The following PILRA variants were observed in gnomAD, a reference collection of about 807,000 sequenced individuals.
The protein encoded by PILRA is paired immunoglobin like type 2 receptor alpha.
A neutral mutation model predicts 33.1 loss-of-function variants in PILRA; 37 were observed. The observed-to-expected ratio is 1.12, with a 90% CI of 0.86 to 1.47. The LOEUF is 1.47. PILRA is among the 40% of genes most tolerant of loss of function. PILRA has a pLI of 0.00. For synonymous variants in PILRA, 146 were observed against 149.9 expected, an observed-to-expected ratio of 0.97 and a Z score of 0.19; for missense variants, 312 against 376.2, an observed-to-expected ratio of 0.83 and a Z score of 1.41.
chr7:100,388,515 C>T (rs1182022328), intron 2 of PILRA, among the ~76,000 whole-genome samples: 3 of 151,710 alleles, frequency 2.0e-5, no homozygotes, highest in African/African-American at 7.3e-5. Context: ...GGCAGATCAC[C>T]TGAAGTCAGG....
At chr7:100,379,987 T>C (rs1692826166) in intron 2 of PILRA, among the ~76,000 whole-genome samples, 1 of 152,128 alleles carries the variant, frequency 6.6e-6, no homozygotes, top group Non-Finnish European at 1.5e-5. Flanking sequence ...CGAGTACCCC[T>C]GAAAGTAGGA....
At chr7:100,382,272 T>C (rs1398210473) in intron 2 of PILRA, among the ~76,000 whole-genome samples, 1 of 152,218 alleles carries the variant, frequency 6.6e-6, no homozygotes, top group African/African-American at 2.4e-5. Flanking sequence ...ACTCTGTATC[T>C]ACGTCAAGGT....
At chr7:100,382,554 G>A (rs1209031220) in intron 2 of PILRA, among the ~76,000 whole-genome samples, 7 of 152,116 alleles carry the variant, frequency 4.6e-5, no homozygotes, top group East Asian at 1.9e-4. Flanking sequence ...CTGTCAAAAC[G>A]GACCAATCAG....
At chr7:100,372,452 G>A (rs568583151), upstream of PILRA, among the ~76,000 whole-genome samples, 4 of 152,182 alleles carry the variant, frequency 2.6e-5, no homozygotes, top group Non-Finnish European at 4.4e-5. Context: ...CTTCCCCCAC[G>A]GCCCCTCAAC....
intron 2 of PILRA, among the ~76,000 whole-genome samples, chr7:100,381,941 C>T (rs112386097): frequency 6.6e-6 from 1 of 151,808 alleles, no homozygotes; most frequent in East Asian, 1.9e-4. Context: ...CTCGCCAGGC[C>T]TTAGCTGCCT....
chr7:100,397,938 G>A (rs1247923822), intron 4 of PILRA, 26 bp downstream of exon 4: 1 of 1,612,490 alleles, frequency 6.2e-7, no homozygotes, highest in African/African-American at 1.3e-5. Context: ...CCCCAGGGTG[G>A]GTTGGGGGGT....
At chr7:100,397,126 T>TAA (rs34593183) in intron 3 of PILRA, among the ~76,000 whole-genome samples, 77 of 125,802 alleles carry the variant, frequency 6.1e-4, no homozygotes, top group African/African-American at 1.3e-3. Flanking sequence ...GTCTAAACAT[T>TAA]AAAAAAAAAA....
chr7:100,372,118 C>T (rs1790829316), upstream of PILRA, among the ~76,000 whole-genome samples: 1 of 152,184 alleles, frequency 6.6e-6, no homozygotes, highest in African/African-American at 2.4e-5. Flanking sequence ...CTCTGCAGCC[C>T]ATCTTTCCAG....
At chr7:100,381,068 C>T (rs1030710575) in intron 2 of PILRA, among the ~76,000 whole-genome samples, 1 of 151,960 alleles carries the variant, frequency 6.6e-6, no homozygotes, top group Non-Finnish European at 1.5e-5. Context: ...AGATTGAGAC[C>T]ATCCTGGCTA....
At chr7:100,376,934 G>A (rs1418729652) in intron 2 of PILRA, among the ~76,000 whole-genome samples, 1 of 150,980 alleles carries the variant, frequency 6.6e-6, no homozygotes, top group East Asian at 1.9e-4. Flanking sequence ...GCTAATATTT[G>A]TATTTTTTTT....
chr7:100,373,859 AC>A, intron 1 of PILRA, 139 bp downstream of exon 1: 1 of 1,287,356 alleles, frequency 7.8e-7, no homozygotes, highest in Non-Finnish European at 1.1e-6. Context: ...GGGGCGGGTG[AC>A]CCCATCCTCT....
At chr7:100,395,882 T>G (rs1466483378) in intron 3 of PILRA, among the ~76,000 whole-genome samples, 1 of 152,122 alleles carries the variant, frequency 6.6e-6, no homozygotes, top group Non-Finnish European at 1.5e-5. Flanking sequence ...TTCCAGCACT[T>G]TGGGAGGCTG....
At chr7:100,379,633 A>C (rs1429293775) in intron 2 of PILRA, among the ~76,000 whole-genome samples, 1 of 144,978 alleles carries the variant, frequency 6.9e-6, no homozygotes, top group Non-Finnish European at 1.5e-5. Flanking sequence ...GCACCACTGC[A>C]CTCCAGCCTG....
chr7:100,377,227 A>ATTTTTT, intron 2 of PILRA, among the ~76,000 whole-genome samples: 1 of 80,784 alleles, frequency 1.2e-5, no homozygotes, highest in Non-Finnish European at 2.6e-5. Flanking sequence ...TCACTTTTCT[A>ATTTTTT]TTTCTTTTTT....
intron 3 of PILRA, among the ~76,000 whole-genome samples, chr7:100,392,900 A>G (rs1791416993): frequency 6.6e-6 from 1 of 152,344 alleles, no homozygotes; most frequent in South Asian, 2.1e-4. Context: ...AAATAACCCT[A>G]GTACCAGAAG....
intron 6 of PILRA, 67 bp from the exon 7 acceptor site, chr7:100,399,718 C>A: frequency 2.5e-6 from 4 of 1,611,552 alleles, no homozygotes; most frequent in South Asian, 1.1e-5. Context: ...AAACTGTAGG[C>A]TTGCCGCTAA....
chr7:100,395,693 G>A (rs1791480553), intron 3 of PILRA, among the ~76,000 whole-genome samples: 2 of 152,032 alleles, frequency 1.3e-5, no homozygotes, highest in Non-Finnish European at 2.9e-5. Flanking sequence ...ATACCCAGAA[G>A]GACAGCTACT....
upstream of PILRA, among the ~76,000 whole-genome samples, chr7:100,371,688 TCATGCCCTCCTC>T (rs1790817553): frequency 6.6e-6 from 1 of 152,182 alleles, no homozygotes; most frequent in African/African-American, 2.4e-5. Context: ...CACATTGGAA[TCATGCCCTCCTC>T]CAGGCCCTCC....
At chr7:100,374,791 G>A (rs1015251429) in intron 2 of PILRA, 3 of 347,548 alleles carry the variant, frequency 8.6e-6, no homozygotes, top group Non-Finnish European at 1.1e-5. Context: ...GATCTCTCCA[G>A]GATGTGGCTC....
Sources: allele counts gnomAD v4.1 joint callset (sites outside exome capture counted in the v4.1 genomes callset), GRCh38; gene constraint gnomAD v4.1.1; transcripts MANE v1.5; gene names NCBI Gene and HGNC (gene_info 2026-07-23, HGNC 2026-07-21).